PCDH9: variants seen among roughly 807,000 people sequenced by gnomAD.
The protein encoded by PCDH9 is protocadherin 9.
PCDH9 carries 24 observed loss-of-function variants against 70.6 expected under a neutral mutation model. That is an observed-to-expected ratio of 0.34 (90% CI 0.25 to 0.48). The LOEUF (loss-of-function observed/expected upper bound fraction) is 0.48. Among genes scored for constraint, PCDH9 ranks in the 20% least tolerant of loss-of-function variants. The pLI is 0.99. For missense variants in PCDH9, 1,281 were observed against 1,503.6 expected (o/e 0.85, Z 2.45); for synonymous variants, 562 against 558.5 (o/e 1.01, Z -0.09).
At chr13:66,562,139 G>T (rs1462233794) in intron 4 of PCDH9, among the ~76,000 whole-genome samples, 1 of 151,982 alleles carries the variant, frequency 6.6e-6, no homozygotes, top group Admixed American at 6.5e-5. Flanking sequence ...TGAAGTCAGT[G>T]AGAGCAAGAA....
chr13:66,737,964 C>T (rs2079183145), intron 3 of PCDH9, among the ~76,000 whole-genome samples: 1 of 152,150 alleles, frequency 6.6e-6, no homozygotes, highest in African/African-American at 2.4e-5. Context: ...AACAAAGCAG[C>T]CAGGAAGCTC....
chr13:66,803,764 G>T (rs75386423), intron 3 of PCDH9, among the ~76,000 whole-genome samples: 1 of 152,154 alleles, frequency 6.6e-6, no homozygotes, highest in Non-Finnish European at 1.5e-5. Flanking sequence ...AATTTGACCC[G>T]TGAGAAGGAA....
At chr13:66,466,229 C>T (rs1958511887) in intron 4 of PCDH9, among the ~76,000 whole-genome samples, 1 of 151,810 alleles carries the variant, frequency 6.6e-6, no homozygotes, top group African/African-American at 2.4e-5. Flanking sequence ...CCTCCCCAAC[C>T]ATGCACAAGT....
chr13:66,964,396 C>T (rs1210256138), intron 2 of PCDH9, among the ~76,000 whole-genome samples: 2 of 151,772 alleles, frequency 1.3e-5, no homozygotes, highest in African/African-American at 2.4e-5. Context: ...TACACTTTAG[C>T]ACTGAGAGAG....
chr13:66,380,702 C>T (rs368286), intron 4 of PCDH9, among the ~76,000 whole-genome samples: 1 of 151,976 alleles, frequency 6.6e-6, no homozygotes, highest in East Asian at 1.9e-4. Context: ...CGCCACCACG[C>T]CCGGCTAATT....
At chr13:67,033,611 G>A (rs554467143) in intron 2 of PCDH9, among the ~76,000 whole-genome samples, 7 of 152,216 alleles carry the variant, frequency 4.6e-5, no homozygotes, top group South Asian at 4.2e-4. Context: ...CAGGCATCTC[G>A]TAAACTTGAG....
intron 3 of PCDH9, among the ~76,000 whole-genome samples, chr13:66,716,097 A>G (rs911674300): frequency 1.4e-4 from 22 of 152,264 alleles, no homozygotes; most frequent in African/African-American, 5.1e-4. Flanking sequence ...TTAACAGAGT[A>G]GCTGTAAAGC....
intron 4 of PCDH9, among the ~76,000 whole-genome samples, chr13:66,617,952 G>A (rs762076958): frequency 3.9e-5 from 6 of 152,190 alleles, no homozygotes; most frequent in Non-Finnish European, 7.4e-5. Context: ...GAAGGAGACA[G>A]TCAGGTGGGA....
intron 4 of PCDH9, among the ~76,000 whole-genome samples, chr13:66,448,426 A>G (rs1458567983): frequency 6.6e-6 from 1 of 152,200 alleles, no homozygotes; most frequent in African/African-American, 2.4e-5. Context: ...TCTTTTCACT[A>G]CATAGCAAAA....
chr13:66,892,649 G>T (rs996016279), intron 3 of PCDH9, among the ~76,000 whole-genome samples: 1 of 151,940 alleles, frequency 6.6e-6, no homozygotes, highest in Non-Finnish European at 1.5e-5. Flanking sequence ...TTAAAAAAAA[G>T]ATATTTTATA....
intron 2 of PCDH9, among the ~76,000 whole-genome samples, chr13:67,191,732 C>A (rs920993499): frequency 2.6e-5 from 4 of 152,050 alleles, no homozygotes; most frequent in African/African-American, 9.7e-5. Flanking sequence ...ATTCTCTCTT[C>A]TCTACCTGCC....
At chr13:66,934,898 T>G (rs1206743769) in intron 2 of PCDH9, among the ~76,000 whole-genome samples, 1 of 149,020 alleles carries the variant, frequency 6.7e-6, no homozygotes, top group Non-Finnish European at 1.5e-5. Context: ...TTTTTTGTAT[T>G]TTTAGTAGAG....
intron 4 of PCDH9, among the ~76,000 whole-genome samples, chr13:66,326,705 C>T (rs780208212): frequency 5.3e-5 from 8 of 152,082 alleles, no homozygotes; most frequent in East Asian, 1.9e-4. Flanking sequence ...TGTGAGCCAC[C>T]GCTCCTAGTC....
intron 2 of PCDH9, among the ~76,000 whole-genome samples, chr13:66,985,109 A>C (rs1016707246): frequency 1.3e-5 from 2 of 152,130 alleles, no homozygotes; most frequent in African/African-American, 4.8e-5. Context: ...TCACTGGCCT[A>C]GCCATCACTG....
intron 2 of PCDH9, among the ~76,000 whole-genome samples, chr13:67,025,462 G>A (rs561152272): frequency 6.6e-6 from 1 of 151,986 alleles, no homozygotes; most frequent in Admixed American, 6.6e-5. Context: ...TTTCCACACT[G>A]CAGGAGCAAA....
At chr13:66,623,034 G>C (rs191025806) in intron 4 of PCDH9, among the ~76,000 whole-genome samples, 37,466 of 151,768 alleles carry the variant, frequency 0.25, 4,988 homozygotes, top group Middle Eastern at 0.35. Flanking sequence ...CCTGAAGCCC[G>C]CGAGACCGCG....
intron 2 of PCDH9, among the ~76,000 whole-genome samples, chr13:67,025,154 G>A (rs1245976322): frequency 2.0e-5 from 3 of 152,078 alleles, no homozygotes; most frequent in Non-Finnish European, 4.4e-5. Context: ...CACTAGGGAA[G>A]AAGAAGAAAT....
At chr13:67,063,943 G>C (rs1044055938) in intron 2 of PCDH9, among the ~76,000 whole-genome samples, 2 of 152,120 alleles carry the variant, frequency 1.3e-5, no homozygotes, top group Non-Finnish European at 2.9e-5. Context: ...ATTGTAGAGA[G>C]AGCAAGAACA....
intron 4 of PCDH9, among the ~76,000 whole-genome samples, chr13:66,556,757 T>C (rs17081523): frequency 0.033 from 5,016 of 152,222 alleles, 246 homozygotes; most frequent in African/African-American, 0.11. Context: ...TTGTGGCGAA[T>C]ACTCAGGCTA....
Sources: gnomAD v4.1 joint callset for allele counts (sites outside exome capture counted in the v4.1 genomes callset) on GRCh38, gnomAD v4.1.1 for gene constraint, MANE v1.5 for transcripts, NCBI Gene and HGNC (gene_info 2026-07-23, HGNC 2026-07-21) for gene names.